Variants in TMEM63A observed in about 807,000 individuals in gnomAD.
The protein encoded by TMEM63A is mechanosensitive cation channel TMEM63A.
In TMEM63A, 76 loss-of-function variants were observed where a neutral mutation model predicts 100.6. The ratio of observed to expected loss-of-function variants is 0.76; its 90% CI spans 0.63 to 0.91. TMEM63A has a LOEUF of 0.91. Ranked by LOEUF, TMEM63A falls within the 40% of genes least tolerant of loss-of-function variation. The probability of loss-of-function intolerance (pLI) is 0.00; values close to 1 mark genes in which losing one functional copy is unlikely to be tolerated. For missense variants in TMEM63A, 876 were observed against 1,008.8 expected (o/e 0.87, Z 1.78); for synonymous variants, 401 against 401.1 (o/e 1.00, Z 0.00).
chr1:225,860,804 A>C, intron 14 of TMEM63A, 56 bp downstream of exon 14: 1 of 1,533,644 alleles, frequency 6.5e-7, no homozygotes, highest in Non-Finnish European at 8.8e-7. Flanking sequence ...GGTGATGGGC[A>C]GCTCCCACCA....
intron 4 of TMEM63A, among the ~76,000 whole-genome samples, chr1:225,872,641 G>A (rs145748941): frequency 1.9e-3 from 280 of 150,394 alleles, no homozygotes; most frequent in African/African-American, 6.4e-3. Flanking sequence ...CACCCCATGC[G>A]CTATAAATCT....
At position 225,862,949 on chromosome 1, in the gene TMEM63A, G is replaced by T. The variant is rs1670020534; in HGVS notation, c.747-98C>A. On this transcript the variant is annotated intron_variant, in intron 10 of 24. Transcript: ENST00000366835. The surrounding 1 kb of genome is among the most constrained non-coding windows in gnomAD (Gnocchi z 5.1). The stretch of plus-strand genomic sequence containing the variant: ...CGGATCCAAGGGAAAGGATGGCAGA[G>T]TGATCTCGCTGCTGGTTTCTGTGCC... 2 of 1,125,486 alleles carry T rather than the reference G, an allele frequency of 1.8e-6. No individual in the cohort carries two copies. The highest frequency in any genetic ancestry group is 1.3e-5 in the South Asian group (1 of 75,752). The allele number at this position is 1,125,486 out of a possible 1,614,324, so 69.7% of individuals were successfully genotyped here. A position where few individuals can be genotyped will look rare whatever the true frequency, so the allele number is the denominator to read the frequency against.
chr1:225,847,204 G>A lies in TMEM63A; in HGVS notation c.2260C>T (p.Pro754Ser), dbSNP rs766575680. 12 of 1,612,852 alleles carry A rather than the reference G, an allele frequency of 7.4e-6. No individual in the cohort carries two copies. Among genetic ancestry groups the A allele is most frequent in the East Asian group, 2.2e-5 (1 of 44,876 alleles). The change falls in exon 24 of 25, where the codon CCT becomes TCT. Residue 754 changes from proline (P) to serine (S), a missense_variant. Pro to Ser is a moderately conservative substitution (Grantham distance 74). Coordinates refer to ENST00000366835, the MANE Select transcript of TMEM63A (RefSeq NM_014698.3). ...HMPPPFTPYV[P>S]RILNGLASER... The stretch of plus-strand genomic sequence containing the variant: ...GAGGCCAAGCCGTTCAGAATCCGAG[G>A]CACGTAGGGCTGTCAGCAAATGGAT...
chr1:225,868,163 T>C (rs1010411989), intron 6 of TMEM63A, 133 bp from the exon 7 acceptor site: 3 of 1,176,520 alleles, frequency 2.5e-6, no homozygotes, highest in Admixed American at 2.7e-5. Flanking sequence ...TGTTCACATA[T>C]GAGGAAATAA....
rs761933226 is a variant in TMEM63A, at chr1:225,862,897, A to G, written c.747-46T>C. The G allele has an allele frequency of 3.8e-6, 6 of 1,578,506 alleles. No homozygotes were observed. Among genetic ancestry groups the G allele is most frequent in the East Asian group, 2.3e-5 (1 of 44,062 alleles). ...AGGCAAAAGACACCGTTGGAAAAGA[A>G]AACACCCCAAGCAGGAGACGTGCCC... On this transcript the variant is annotated intron_variant, in intron 10 of 24. Coordinates refer to ENST00000366835, the MANE Select transcript of TMEM63A (RefSeq NM_014698.3). The surrounding 1 kb of genome is among the most constrained non-coding windows in gnomAD (Gnocchi z 5.1).
chr1:225,862,644 C>A lies in TMEM63A; in HGVS notation c.828-66G>T. The A allele has an allele frequency of 6.2e-7, 1 of 1,601,952 alleles. No individual in the cohort carries two copies. The highest frequency in any genetic ancestry group is 2.2e-5 in the East Asian group (1 of 44,628). On this transcript the variant is annotated intron_variant, in intron 11 of 24. Transcript: ENST00000366835. This position sits in a 1 kb window ranked among gnomAD's most constrained non-coding sequence, Gnocchi z 5.1. ...ATCCTGTGGCAGGGACCCCCATACC[C>A]ACAGTTCAACCATCGAACGCCAGGG...
chr1:225,844,612 G>A (rs1456703938), downstream of TMEM63A: 1 of 1,614,126 alleles, frequency 6.2e-7, no homozygotes, highest in Admixed American at 1.7e-5. Flanking sequence ...GGATGACCCA[G>A]AAGCATGAGC....
intron 20 of TMEM63A, among the ~76,000 whole-genome samples, chr1:225,850,509 C>T (rs1669270360): frequency 6.6e-6 from 1 of 152,136 alleles, no homozygotes; most frequent in African/African-American, 2.4e-5. Context: ...CTAAGACCAA[C>T]CTTTGATCAT....
chr1:225,869,728 T>C (rs1360478316), intron 6 of TMEM63A, among the ~76,000 whole-genome samples: 1 of 149,690 alleles, frequency 6.7e-6, no homozygotes, highest in Non-Finnish European at 1.5e-5. Context: ...AGTGGGGTGA[T>C]CTTGGCTCAC....
In TMEM63A at chr1:225,867,965, A is replaced by G; in HGVS notation, c.437T>C (p.Ile146Thr). Reference sequence around the variant, plus strand: ...GCTGACCACCACCAACAGGAAGATGATGTGCCTCTGGAAGGACAGGTAGTG... The same window carrying G: ...GCTGACCACCACCAACAGGAAGATGGTGTGCCTCTGGAAGGACAGGTAGTG... ...AIHYLSFQRH[I>T]IFLLVVVSFL... The change falls in exon 7 of 25, where the codon ATC (isoleucine) becomes ACC (threonine). Residue 146 changes from isoleucine (I) to threonine (T), a missense_variant. Ile to Thr is a moderately conservative substitution (Grantham distance 89). This residue lies in a region of TMEM63A where 487 missense variants were observed against 581.9 expected (regional missense o/e 0.84). Coordinates refer to ENST00000366835, the MANE Select transcript of TMEM63A (RefSeq NM_014698.3). The surrounding 1 kb of genome is among the most constrained non-coding windows in gnomAD (Gnocchi z 4.6). 1 of 1,614,164 alleles carries G rather than the reference A, an allele frequency of 6.2e-7. No homozygotes were observed. The highest frequency in any genetic ancestry group is 8.5e-7 in the Non-Finnish European group (1 of 1,180,024).
At chr1:225,873,623 C>T (rs1390212968) in intron 4 of TMEM63A, among the ~76,000 whole-genome samples, 4 of 152,234 alleles carry the variant, frequency 2.6e-5, no homozygotes, top group African/African-American at 4.8e-5. Flanking sequence ...ACCCTTCAGG[C>T]GACATGAACA....
chr1:225,871,099 C>G lies in TMEM63A; in HGVS notation c.348G>C (p.Trp116Cys). The G allele has an allele frequency of 1.9e-6, 3 of 1,613,918 alleles. No homozygotes were observed. Among genetic ancestry groups the G allele is most frequent in the Non-Finnish European group, 1.7e-6 (2 of 1,179,856 alleles). Reference sequence around the variant, plus strand: ...ACTGCAGACGGAAGATGGCAGTCAGCCAGGGACAGCATCCCTGGAAACGGA... The same window carrying G: ...ACTGCAGACGGAAGATGGCAGTCAGGCAGGGACAGCATCCCTGGAAACGGA... ...DFENELGCCP[W>C]LTAIFRLHDD... The change falls in exon 6 of 25, where the codon TGG becomes TGC. Residue 116 changes from tryptophan (W) to cysteine (C), a missense_variant. Trp to Cys is a radical substitution (Grantham distance 215). Coordinates refer to ENST00000366835, the MANE Select transcript of TMEM63A (RefSeq NM_014698.3).
At position 225,867,558 on chromosome 1, in the gene TMEM63A, G is replaced by A. The variant is rs1444037941; in HGVS notation, c.514+330C>T. Among the ~76,000 whole-genome samples, 2 of 152,128 alleles carry A rather than the reference G, an allele frequency of 1.3e-5. No homozygotes were observed. The highest frequency in any genetic ancestry group is 1.3e-4 in the Admixed American group (2 of 15,256). On this transcript the variant is annotated intron_variant, in intron 7 of 24. Coordinates refer to ENST00000366835, the MANE Select transcript of TMEM63A (RefSeq NM_014698.3). This position sits in a 1 kb window ranked among gnomAD's most constrained non-coding sequence, Gnocchi z 4.6. ...ACCCTGATTTTAATTAAGTATCATGGATATCTTCTGGGTCCATTAATTGTG... is the reference window on the plus strand; with the variant it reads ...ACCCTGATTTTAATTAAGTATCATGAATATCTTCTGGGTCCATTAATTGTG...
At chr1:225,859,857 G>C (rs1449299368) in intron 14 of TMEM63A, 1 of 160,578 alleles carries the variant, frequency 6.2e-6, no homozygotes, top group Non-Finnish European at 1.4e-5. Flanking sequence ...ATGTTACCCA[G>C]GGTGGTCTTG....
intron 3 of TMEM63A, 68 bp from the exon 4 acceptor site, chr1:225,874,435 CA>C (rs1392844917): frequency 4.7e-5 from 68 of 1,444,710 alleles, no homozygotes; most frequent in Non-Finnish European, 6.1e-5. Flanking sequence ...ACAGCGGTCT[CA>C]GGGGTAAAGC....
intron 8 of TMEM63A, chr1:225,866,888 A>T (rs950949138): frequency 1.5e-6 from 1 of 669,284 alleles, no homozygotes; most frequent in Non-Finnish European, 2.6e-6. Flanking sequence ...GTCCTGACAA[A>T]TGAACTCCAG....
intron 18 of TMEM63A, among the ~76,000 whole-genome samples, chr1:225,854,230 C>T (rs1669499976): frequency 6.6e-6 from 1 of 152,168 alleles, no homozygotes; most frequent in African/African-American, 2.4e-5. Context: ...TACAAGACAC[C>T]TGAGGATGTC....
At chr1:225,849,384 G>A (rs996328499) in intron 21 of TMEM63A, among the ~76,000 whole-genome samples, 11 of 152,170 alleles carry the variant, frequency 7.2e-5, no homozygotes, top group African/African-American at 1.9e-4. Flanking sequence ...CGGGGCAGAC[G>A]TGTCTTTCCC....
intron 6 of TMEM63A, among the ~76,000 whole-genome samples, chr1:225,869,228 C>A (rs1670370998): frequency 6.6e-6 from 1 of 152,184 alleles, no homozygotes; most frequent in African/African-American, 2.4e-5. Flanking sequence ...AGCAGGGGCT[C>A]AAGAGATAAT....
Sources: allele counts gnomAD v4.1 joint callset (sites outside exome capture counted in the v4.1 genomes callset), GRCh38; gene constraint gnomAD v4.1.1; regional missense constraint gnomAD v4.1.1; non-coding constraint Gnocchi (gnomAD v3.1); transcripts MANE v1.5; gene names NCBI Gene and HGNC (gene_info 2026-07-23, HGNC 2026-07-21).